CCDC146: variants seen among roughly 807,000 people sequenced by gnomAD.
CCDC146 encodes coiled-coil domain-containing protein 146.
In CCDC146, 92 loss-of-function variants were observed where a neutral mutation model predicts 119.3. The observed-to-expected ratio is 0.77, with a 90% CI of 0.65 to 0.92. The LOEUF (loss-of-function observed/expected upper bound fraction) is 0.92, where lower values mean the gene tolerates loss of function less well. Among genes scored for constraint, CCDC146 ranks in the 40% least tolerant of loss-of-function variants. The pLI, the probability that CCDC146 is intolerant of heterozygous loss-of-function variation, is 0.00. For missense variants in CCDC146, 1,000 were observed against 1,103.0 expected, an observed-to-expected ratio of 0.91 and a Z score of 1.32; for synonymous variants, 372 against 371.8, an observed-to-expected ratio of 1.00 and a Z score of -0.01.
chr7:77,182,978 T>C (rs1791612433), intron 2 of CCDC146, among the ~76,000 whole-genome samples: 1 of 151,960 alleles, frequency 6.6e-6, no homozygotes, highest in Non-Finnish European at 1.5e-5. Flanking sequence ...AACCGAGCCT[T>C]CTCCCTCCAA....
At chr7:77,174,509 A>T (rs1244173258) in intron 2 of CCDC146, among the ~76,000 whole-genome samples, 2 of 152,172 alleles carry the variant, frequency 1.3e-5, no homozygotes, top group African/African-American at 4.8e-5. Context: ...GGACTGGTTT[A>T]TGCAGAAATT....
intron 4 of CCDC146, among the ~76,000 whole-genome samples, chr7:77,250,253 T>C (rs1050830702): frequency 2.6e-5 from 4 of 152,228 alleles, no homozygotes; most frequent in Admixed American, 1.3e-4. Context: ...GCTTTTCTTT[T>C]ACCTTCACTG....
At chr7:77,240,987 T>C (rs555355193) in intron 3 of CCDC146, among the ~76,000 whole-genome samples, 97 of 150,300 alleles carry the variant, frequency 6.5e-4, no homozygotes, top group African/African-American at 2.1e-3. Flanking sequence ...TTTTTGTTTG[T>C]TTGTTTGTTT....
At chr7:77,260,365 C>T (rs1437079845) in intron 8 of CCDC146, 129 bp downstream of exon 8, 1 of 637,116 alleles carries the variant, frequency 1.6e-6, no homozygotes, top group Non-Finnish European at 2.6e-6. Context: ...CAACTTTTAC[C>T]CTTAATATAT....
At chr7:77,219,331 T>C (rs1792358293) in intron 2 of CCDC146, among the ~76,000 whole-genome samples, 1 of 151,660 alleles carries the variant, frequency 6.6e-6, no homozygotes, top group Non-Finnish European at 1.5e-5. Context: ...AATTTAAAAT[T>C]ATACTTTGTT....
In CCDC146 at chr7:77,155,657, T is replaced by C. The variant is rs1249775153; in HGVS notation, c.-11-12001T>C. On this transcript the variant is annotated intron_variant, in intron 1 of 18. Coordinates refer to ENST00000285871, the MANE Select transcript of CCDC146 (RefSeq NM_020879.3). ...CTGTACAAAATGGAGATAATTCTTA[T>C]GGTATGTGGTTGTTAGGACAAAGTG... Among the ~76,000 whole-genome samples, 6 of 152,202 alleles carry C rather than the reference T, an allele frequency of 3.9e-5. No homozygotes were observed. The East Asian group carries it at 7.7e-4, about 20-fold the overall frequency.
At chr7:77,262,077 C>T (rs1404767676) in intron 8 of CCDC146, 44 bp from the exon 9 acceptor site, 2 of 1,474,214 alleles carry the variant, frequency 1.4e-6, no homozygotes, top group East Asian at 2.3e-5. Flanking sequence ...TTTAGGACAG[C>T]TGATAACAAA....
At chr7:77,275,029 A>C (rs954572814) in intron 11 of CCDC146, among the ~76,000 whole-genome samples, 2 of 150,630 alleles carry the variant, frequency 1.3e-5, no homozygotes, top group East Asian at 3.9e-4. Context: ...AAGTATAATA[A>C]AAATATATAA....
At position 77,256,758 on chromosome 7, in the gene CCDC146, C is replaced by G. The variant is rs568553729; in HGVS notation, c.684+249C>G. On this transcript the variant is annotated intron_variant, in intron 6 of 18. Transcript: ENST00000285871. ...GCGGAAAAGGTCTCTCCTGACCTCA[C>G]CAAACATTTCTGGACATTAGAAACA... is the stretch of plus-strand genomic sequence containing the variant. 2.6e-5 allele frequency among the ~76,000 whole-genome samples: 4 copies of G among 152,294 alleles called. No individual in the cohort carries two copies. In the East Asian group the frequency reaches 7.7e-4, roughly 29 times the overall value.
chr7:77,129,616 T>C (rs1421328194), intron 1 of CCDC146, among the ~76,000 whole-genome samples: 1 of 152,038 alleles, frequency 6.6e-6, no homozygotes, highest in Non-Finnish European at 1.5e-5. Flanking sequence ...ATATCCCCCA[T>C]GAATAAGGAG....
chr7:77,150,635 G>T (rs1168078260), intron 1 of CCDC146, among the ~76,000 whole-genome samples: 1 of 152,106 alleles, frequency 6.6e-6, no homozygotes, highest in African/African-American at 2.4e-5. Context: ...GCCACTTTGG[G>T]AACCAATTTG....
intron 1 of CCDC146, among the ~76,000 whole-genome samples, chr7:77,134,870 A>T (rs1348710233): frequency 6.6e-6 from 1 of 152,238 alleles, no homozygotes; most frequent in East Asian, 1.9e-4. Flanking sequence ...AAACAGATAC[A>T]AATTATTGCA....
chr7:77,150,463 A>T (rs866525374), intron 1 of CCDC146, among the ~76,000 whole-genome samples: 19 of 152,340 alleles, frequency 1.2e-4, no homozygotes, highest in African/African-American at 4.3e-4. Flanking sequence ...AAAGATATTC[A>T]ACATAGTAAT....
At chr7:77,189,493 A>G (rs775596624) in intron 2 of CCDC146, among the ~76,000 whole-genome samples, 3 of 152,118 alleles carry the variant, frequency 2.0e-5, no homozygotes, top group Non-Finnish European at 2.9e-5. Context: ...CCACTTAGCT[A>G]CAAAAGCGAC....
rs560700481 is a variant in CCDC146, at chr7:77,211,784, T to C, written c.157-25163T>C. Among the ~76,000 whole-genome samples the C allele has an allele frequency of 6.6e-5, 10 of 152,142 alleles. No homozygotes were observed. The East Asian group carries it at 1.9e-3, about 29-fold the overall frequency. On this transcript the variant is annotated intron_variant, in intron 2 of 18. Transcript: ENST00000285871. ...GCGTGCTTTTCCATGCCTGGCTAAT[T>C]TTTTTATCTTTAGTAGAGATGGGGT...
intron 2 of CCDC146, among the ~76,000 whole-genome samples, chr7:77,172,399 G>T (rs1791436290): frequency 6.6e-6 from 1 of 152,230 alleles, no homozygotes; most frequent in South Asian, 2.1e-4. Context: ...GATGACAACT[G>T]AAGGAAAGCA....
chr7:77,272,130 T>C (rs1304626840), intron 9 of CCDC146, among the ~76,000 whole-genome samples: 4 of 152,236 alleles, frequency 2.6e-5, no homozygotes, highest in Non-Finnish European at 4.4e-5. Flanking sequence ...AATATTCACA[T>C]CTTCCAGGAA....
intron 10 of CCDC146, among the ~76,000 whole-genome samples, chr7:77,274,069 A>T (rs1793578001): frequency 1.3e-5 from 2 of 152,342 alleles, no homozygotes; most frequent in South Asian, 4.1e-4. Context: ...GTTTTATTTC[A>T]CCAATGTCTA....
chr7:77,225,858 G>A (rs769265690), intron 2 of CCDC146, among the ~76,000 whole-genome samples: 27 of 152,048 alleles, frequency 1.8e-4, no homozygotes, highest in Non-Finnish European at 2.8e-4. Context: ...CAGGAGAATC[G>A]CTTGAACCCT....
Sources: gnomAD v4.1 joint callset for allele counts (sites outside exome capture counted in the v4.1 genomes callset) on GRCh38, gnomAD v4.1.1 for gene constraint, MANE v1.5 for transcripts, NCBI Gene and HGNC (gene_info 2026-07-23, HGNC 2026-07-21) for gene names.